Variants in AUTS2 observed in about 807,000 individuals in gnomAD.
AUTS2 encodes the protein autism susceptibility gene 2 protein.
Under a neutral mutation model 112.4 loss-of-function variants are expected in AUTS2, and 17 were observed. The ratio of observed to expected loss-of-function variants is 0.15; its 90% CI spans 0.10 to 0.23. AUTS2 has a LOEUF of 0.23. AUTS2 is among the 10% of genes least tolerant of loss of function. The pLI, the probability that AUTS2 is intolerant of heterozygous loss-of-function variation, is 1.00. For synonymous variants in AUTS2, 751 were observed against 702.7 expected (o/e 1.07, Z -1.09); for missense variants, 1,510 against 1,701.6 (o/e 0.89, Z 1.98).
At chr7:69,874,790 C>T (rs1006604217) in intron 1 of AUTS2, among the ~76,000 whole-genome samples, 1 of 152,076 alleles carries the variant, frequency 6.6e-6, no homozygotes, top group African/African-American at 2.4e-5. Context: ...TCCCAAGTAC[C>T]TGGGATCATA....
rs1584422075 is a variant in AUTS2, at chr7:69,906,706, T to A, written c.522+7208T>A. Among the ~76,000 whole-genome samples the A allele has an allele frequency of 2.0e-5, 3 of 152,166 alleles. No homozygotes were observed. The East Asian group carries it at 5.8e-4, about 29-fold the overall frequency. On this transcript the variant is annotated intron_variant, in intron 2 of 18. Transcript: ENST00000342771. The stretch of plus-strand genomic sequence containing the variant: ...ACTGTTGGATGTCTTCATGCCCAAT[T>A]TGTAATTCATTTTCTAAGACTGTAA...
At chr7:70,524,425 G>T (rs572976027) in intron 5 of AUTS2, among the ~76,000 whole-genome samples, 7 of 152,268 alleles carry the variant, frequency 4.6e-5, no homozygotes, top group African/African-American at 1.4e-4. Flanking sequence ...GAATCCAGGG[G>T]CCTCATCCAC....
intron 4 of AUTS2, among the ~76,000 whole-genome samples, chr7:70,249,407 C>G (rs1327042093): frequency 6.6e-6 from 1 of 152,134 alleles, no homozygotes; most frequent in African/African-American, 2.4e-5. Flanking sequence ...CCATATGGGA[C>G]AGTTCTATAG....
At chr7:70,220,777 T>C (rs1811436875) in intron 4 of AUTS2, among the ~76,000 whole-genome samples, 1 of 152,186 alleles carries the variant, frequency 6.6e-6, no homozygotes, top group African/African-American at 2.4e-5. Context: ...GAGTCACTTA[T>C]TCCTATCATT....
chr7:70,171,768 G>T (rs761571105), intron 4 of AUTS2, among the ~76,000 whole-genome samples: 2 of 152,146 alleles, frequency 1.3e-5, no homozygotes, highest in Non-Finnish European at 2.9e-5. Flanking sequence ...AATGGAGACG[G>T]TTATAAGAAA....
chr7:70,540,117 C>G (rs1003266133), intron 5 of AUTS2, among the ~76,000 whole-genome samples: 1 of 152,190 alleles, frequency 6.6e-6, no homozygotes, highest in East Asian at 1.9e-4. Context: ...CTGCCTTCCA[C>G]TTGGTCCTTT....
chr7:70,343,103 C>T (rs1791343543), intron 4 of AUTS2, among the ~76,000 whole-genome samples: 1 of 152,156 alleles, frequency 6.6e-6, no homozygotes, highest in African/African-American at 2.4e-5. Context: ...CAAACTCCCT[C>T]TCTATGAAAT....
intron 1 of AUTS2, among the ~76,000 whole-genome samples, chr7:69,696,183 TA>T (rs1797553978): frequency 6.6e-6 from 1 of 152,230 alleles, no homozygotes; most frequent in African/African-American, 2.4e-5. Flanking sequence ...AGCCTGCGGT[TA>T]GCCTCGGTGC....
At chr7:69,821,099 A>T (rs1162908951) in intron 1 of AUTS2, among the ~76,000 whole-genome samples, 1 of 152,168 alleles carries the variant, frequency 6.6e-6, no homozygotes. Flanking sequence ...GTAAAAAGTG[A>T]TAAGCTGCTC....
intron 5 of AUTS2, among the ~76,000 whole-genome samples, chr7:70,558,118 A>AAGTTGGAGTT (rs1801325457): frequency 6.6e-6 from 1 of 152,054 alleles, no homozygotes; most frequent in Non-Finnish European, 1.5e-5. Context: ...GGGACACCTC[A>AAGTTGGAGTT]CTGTATCAGA....
chr7:70,249,265 TG>T (rs1249095018), intron 4 of AUTS2, among the ~76,000 whole-genome samples: 2 of 152,296 alleles, frequency 1.3e-5, no homozygotes, highest in Non-Finnish European at 2.9e-5. Flanking sequence ...TAGGATTTGT[TG>T]TCTTCTTTTT....
At chr7:69,846,646 T>TCACTACAATCTC (rs1792214283) in intron 1 of AUTS2, among the ~76,000 whole-genome samples, 1 of 152,186 alleles carries the variant, frequency 6.6e-6, no homozygotes, top group Admixed American at 6.5e-5. Flanking sequence ...CAATCTTGGC[T>TCACTACAATCTC]CACTACAATC....
At position 69,620,237 on chromosome 7, in the gene AUTS2, G is replaced by A. The variant is rs150257420; in HGVS notation, c.309+20275G>A. Among the ~76,000 whole-genome samples the A allele has an allele frequency of 1.9e-4, 29 of 152,270 alleles. No individual in the cohort carries two copies. The East Asian group carries it at 4.2e-3, about 22-fold the overall frequency. Reference sequence around the variant, plus strand: ...CTCATAAATTTGAGAGAAGGAGGGCGGAAAACGAAAGTTTATTTCTAGGGC... The same window carrying A: ...CTCATAAATTTGAGAGAAGGAGGGCAGAAAACGAAAGTTTATTTCTAGGGC... On this transcript the variant is annotated intron_variant, in intron 1 of 18. Coordinates refer to ENST00000342771, the MANE Select transcript of AUTS2 (RefSeq NM_015570.4).
chr7:70,385,750 T>G (rs1793579281), intron 4 of AUTS2, among the ~76,000 whole-genome samples: 1 of 152,132 alleles, frequency 6.6e-6, no homozygotes, highest in East Asian at 1.9e-4. Flanking sequence ...AAAATAAAAT[T>G]TTCCGGACCA....
Position 70,661,408 on chromosome 7 carries a change from G to A in AUTS2, c.691-37161G>A, listed in dbSNP as rs139949425. ...GGCAGGAAAATTCAGGAGGACTGTTGAGTGAATAGTCGCTCCCTGTGGCAG... is the reference window on the plus strand; with the variant it reads ...GGCAGGAAAATTCAGGAGGACTGTTAAGTGAATAGTCGCTCCCTGTGGCAG... On this transcript the variant is annotated intron_variant, in intron 5 of 18. Transcript: ENST00000342771. Among the ~76,000 whole-genome samples, 366 of 152,276 alleles carry A rather than the reference G, an allele frequency of 2.4e-3. 3 individuals carry two copies. Among genetic ancestry groups the A allele is most frequent in the African/African-American group, 8.6e-3 (356 of 41,554 alleles).
chr7:70,660,194 A>C (rs1172570566), intron 5 of AUTS2, among the ~76,000 whole-genome samples: 1 of 151,514 alleles, frequency 6.6e-6, no homozygotes, highest in African/African-American at 2.4e-5. Flanking sequence ...AAAAGAAAAG[A>C]AAAAAAGGAA....
At chr7:70,452,623 G>C (rs1274885943) in intron 5 of AUTS2, among the ~76,000 whole-genome samples, 1 of 152,048 alleles carries the variant, frequency 6.6e-6, no homozygotes, top group African/African-American at 2.4e-5. Context: ...CAGCACCCCA[G>C]GATCAGGCCT....
At chr7:69,667,104 G>A (rs1796087056) in intron 1 of AUTS2, among the ~76,000 whole-genome samples, 1 of 152,122 alleles carries the variant, frequency 6.6e-6, no homozygotes, top group Non-Finnish European at 1.5e-5. Flanking sequence ...AAGTCCTGAG[G>A]TGGCACAGGG....
intron 6 of AUTS2, among the ~76,000 whole-genome samples, chr7:70,725,894 C>A (rs7805679): frequency 9.9e-5 from 15 of 151,734 alleles, no homozygotes; most frequent in African/African-American, 3.6e-4. Context: ...GGGTGGTGGG[C>A]GCCTGTAGTC....
Sources: allele counts gnomAD v4.1 joint callset (sites outside exome capture counted in the v4.1 genomes callset), GRCh38; gene constraint gnomAD v4.1.1; transcripts MANE v1.5; gene names NCBI Gene and HGNC (gene_info 2026-07-23, HGNC 2026-07-21).